ABTB2: variants seen among roughly 807,000 people sequenced by gnomAD.
The protein encoded by ABTB2 is ankyrin repeat and BTB domain containing 2.
ABTB2 carries 56 observed loss-of-function variants against 104.1 expected under a neutral mutation model. That is an observed-to-expected ratio of 0.54 (90% CI 0.43 to 0.67). ABTB2 has a LOEUF of 0.67. Ranked by LOEUF, ABTB2 falls within the 30% of genes least tolerant of loss-of-function variation. ABTB2 has a pLI of 0.00. For missense variants in ABTB2, 1,279 were observed against 1,407.7 expected (o/e 0.91, Z 1.46); for synonymous variants, 606 against 608.2 (o/e 1.00, Z 0.05).
At chr11:34,314,617 A>T (rs1303729926) in intron 1 of ABTB2, among the ~76,000 whole-genome samples, 1 of 152,158 alleles carries the variant, frequency 6.6e-6, no homozygotes. Context: ...CACTGAGGCT[A>T]GGAGGTCAGT....
chr11:34,285,853 C>A (rs550944350), intron 1 of ABTB2, among the ~76,000 whole-genome samples: 42 of 152,194 alleles, frequency 2.8e-4, no homozygotes, highest in Admixed American at 2.2e-3. Context: ...CTAAAAGTTC[C>A]CCTCCTGCAT....
At chr11:34,335,147 G>C in intron 1 of ABTB2, 1 of 1,232,162 alleles carries the variant, frequency 8.1e-7, no homozygotes, top group Non-Finnish European at 1.2e-6. Flanking sequence ...TAATATGGCT[G>C]TCTGGTGTTG....
chr11:34,342,536 C>T (rs1855273860), intron 1 of ABTB2, among the ~76,000 whole-genome samples: 1 of 152,200 alleles, frequency 6.6e-6, no homozygotes. Context: ...AGCTATGTCA[C>T]CTGAACTTCT....
At chr11:34,248,796 T>C (rs1854017498) in intron 1 of ABTB2, among the ~76,000 whole-genome samples, 1 of 152,264 alleles carries the variant, frequency 6.6e-6, no homozygotes, top group Admixed American at 6.5e-5. Context: ...AGTCACAATC[T>C]GATGTCTAGT....
chr11:34,347,524 A>T (rs1256904613), intron 1 of ABTB2, among the ~76,000 whole-genome samples: 21 of 152,236 alleles, frequency 1.4e-4, no homozygotes, highest in Admixed American at 1.4e-3. Context: ...TTTTTGCAAT[A>T]TGTTCATGAA....
chr11:34,229,716 C>T (rs112722812), intron 1 of ABTB2, among the ~76,000 whole-genome samples: 7 of 152,148 alleles, frequency 4.6e-5, no homozygotes, highest in African/African-American at 1.4e-4. Context: ...ATGTTTTCTA[C>T]AGAAAAATAT....
rs200858367 is a variant in ABTB2, at chr11:34,232,795, T to TA, written c.884-28106dup. ...GGCAACATAGTGGGACTCTGTCTCT[T>TA]AAAAAAAAATACATAATAATAAATA... On this transcript the variant is annotated intron_variant, in intron 1 of 16. Transcript: ENST00000435224. Among the ~76,000 whole-genome samples, 195 of 150,714 alleles carry TA rather than the reference T, an allele frequency of 1.3e-3. 2 individuals carry two copies. Among genetic ancestry groups the TA allele is most frequent in the African/African-American group, 4.6e-3 (189 of 41,072 alleles).
chr11:34,195,363 G>A (rs781454943), intron 3 of ABTB2, among the ~76,000 whole-genome samples: 10 of 152,188 alleles, frequency 6.6e-5, no homozygotes, highest in Non-Finnish European at 1.3e-4. Flanking sequence ...CTGGGGCTTA[G>A]GGCCTATGCT....
At chr11:34,249,327 T>A (rs1192350587) in intron 1 of ABTB2, among the ~76,000 whole-genome samples, 1 of 152,208 alleles carries the variant, frequency 6.6e-6, no homozygotes, top group South Asian at 2.1e-4. Flanking sequence ...TAGGACGATA[T>A]ATGTATTAAT....
At chr11:34,247,557 G>A (rs1246232614) in intron 1 of ABTB2, among the ~76,000 whole-genome samples, 1 of 152,210 alleles carries the variant, frequency 6.6e-6, no homozygotes, top group East Asian at 1.9e-4. Context: ...TAGGTTAGGT[G>A]TATTAAGTGC....
intron 1 of ABTB2, among the ~76,000 whole-genome samples, chr11:34,214,139 A>ACACACACACACACACACACAC (rs1853519948): frequency 7.2e-5 from 10 of 139,172 alleles, no homozygotes; most frequent in African/African-American, 2.8e-4. Flanking sequence ...GCACATTCAA[A>ACACACACACACACACACACAC]ACACACACAC....
Position 34,165,335 on chromosome 11 carries a change from G to A in ABTB2, c.1777C>T (p.His593Tyr). The A allele has an allele frequency of 6.3e-7, 1 of 1,587,250 alleles. No homozygotes were observed. The highest frequency in any genetic ancestry group is 8.6e-7 in the Non-Finnish European group (1 of 1,167,482). Residue 593 changes from histidine to tyrosine, a missense_variant, in exon 8 of 17, where the codon CAT becomes TAT. His to Tyr is a moderately conservative substitution (Grantham distance 83). Coordinates refer to ENST00000435224, the MANE Select transcript of ABTB2 (RefSeq NM_145804.3). ...VVQLLLDAGA[H>Y]VEGSAVNGGE... ...CCGTTCACTGCCGAGCCCTCGACAT[G>A]GGCACCAGCATCCAGCAGCAACTGC...
chr11:34,278,551 TG>T (rs768912351), intron 1 of ABTB2, among the ~76,000 whole-genome samples: 78 of 152,324 alleles, frequency 5.1e-4, no homozygotes, highest in Admixed American at 3.1e-3. Flanking sequence ...CCCTAATCCC[TG>T]ATAGAGAAAC....
intron 8 of ABTB2, 32 bp from the exon 9 acceptor site, chr11:34,164,853 CTG>C: frequency 1.9e-6 from 3 of 1,575,348 alleles, no homozygotes; most frequent in Non-Finnish European, 1.7e-6. Context: ...ACGGAGGACA[CTG>C]AGACAGTAGC....
At chr11:34,209,558 A>G (rs1204530778) in intron 1 of ABTB2, among the ~76,000 whole-genome samples, 1 of 48,364 alleles carries the variant, frequency 2.1e-5, no homozygotes. Context: ...GGGTGATGGT[A>G]GGGGTGGAGG....
rs1554978616 is a variant in ABTB2 at position 34,151,803 on chromosome 11, A to AC, written c.*583_*584insG. 8 of 152,316 alleles carry AC rather than the reference A, an allele frequency of 5.3e-5. No individual in the cohort carries two copies. The highest frequency in any genetic ancestry group is 1.9e-4 in the African/African-American group (8 of 41,210). 9.4% of individuals were successfully genotyped at this position (152,316 alleles called of 1,614,324 possible). A position where few individuals can be genotyped will look rare whatever the true frequency, so the allele number is the denominator to read the frequency against. On this transcript the variant is annotated 3_prime_UTR_variant, in exon 17 of 17. Transcript: ENST00000435224. ...TCCGGGTGGCAGCAGTCGTGGTGGC[A>AC]GGGGGGGGTCCACAGGCCACTGGAT...
chr11:34,298,113 C>T (rs1484804181), intron 1 of ABTB2, among the ~76,000 whole-genome samples: 3 of 151,076 alleles, frequency 2.0e-5, no homozygotes, highest in African/African-American at 7.3e-5. Flanking sequence ...ATAAATTACC[C>T]AGTCTCAGGT....
chr11:34,220,820 T>C (rs182952368), intron 1 of ABTB2, among the ~76,000 whole-genome samples: 10 of 152,294 alleles, frequency 6.6e-5, no homozygotes, highest in Non-Finnish European at 1.5e-5. Flanking sequence ...ACAACAGACA[T>C]TTATTTTCTC....
intron 4 of ABTB2, among the ~76,000 whole-genome samples, chr11:34,172,057 TG>T (rs1852882010): frequency 6.6e-6 from 1 of 151,886 alleles, no homozygotes; most frequent in South Asian, 2.1e-4. Flanking sequence ...GGCCATAACC[TG>T]GGTTTTGGCA....
Sources: allele counts gnomAD v4.1 joint callset (sites outside exome capture counted in the v4.1 genomes callset), GRCh38; gene constraint gnomAD v4.1.1; transcripts MANE v1.5; gene names NCBI Gene and HGNC (gene_info 2026-07-23, HGNC 2026-07-21).